The following TAMM41 variants were observed in gnomAD, a reference collection of about 807,000 sequenced individuals.
TAMM41 encodes the protein phosphatidate cytidylyltransferase, mitochondrial.
TAMM41 carries 36 observed loss-of-function variants against 44.1 expected under a neutral mutation model. The ratio of observed to expected loss-of-function variants is 0.82; its 90% CI spans 0.63 to 1.08. TAMM41 has a LOEUF of 1.08. TAMM41 is among the 50% of genes least tolerant of loss of function. The pLI, the probability that TAMM41 is intolerant of heterozygous loss-of-function variation, is 0.00. For missense variants in TAMM41, 417 were observed against 404.3 expected (o/e 1.03, Z -0.27); for synonymous variants, 164 against 153.1 (o/e 1.07, Z -0.53).
the TAMM41 span, among the ~76,000 whole-genome samples, chr3:11,778,767 G>A: frequency 6.6e-6 from 1 of 152,064 alleles, no homozygotes; most frequent in South Asian, 2.1e-4. Flanking sequence ...GCACCTTCTC[G>A]TGTTTATTGG....
intron 3 of TAMM41, among the ~76,000 whole-genome samples, chr3:11,836,666 G>A (rs1439624541): frequency 6.6e-6 from 1 of 151,974 alleles, no homozygotes; most frequent in Non-Finnish European, 1.5e-5. Context: ...GTTTCACTAT[G>A]ATGGCCAGGC....
At chr3:11,841,828 G>A (rs2079459509) in intron 2 of TAMM41, among the ~76,000 whole-genome samples, 1 of 152,156 alleles carries the variant, frequency 6.6e-6, no homozygotes, top group African/African-American at 2.4e-5. Flanking sequence ...GGAAGTCAGG[G>A]GACCTGTTGC....
the TAMM41 span, among the ~76,000 whole-genome samples, chr3:11,722,323 C>A: frequency 3.3e-5 from 5 of 152,038 alleles, no homozygotes; most frequent in Non-Finnish European, 7.3e-5. Context: ...TCGTTTTAGT[C>A]TGGCTCTTTT....
intron 1 of TAMM41, among the ~76,000 whole-genome samples, chr3:11,845,362 GA>G (rs1292489536): frequency 6.6e-6 from 1 of 152,124 alleles, no homozygotes; most frequent in African/African-American, 2.4e-5. Flanking sequence ...AAAAGTGAGG[GA>G]ATGGGAAGGA....
chr3:11,727,788 ATTT>A, the TAMM41 span, among the ~76,000 whole-genome samples: 1 of 128,526 alleles, frequency 7.8e-6, no homozygotes, highest in Non-Finnish European at 1.7e-5. Flanking sequence ...TTCTAATTTA[ATTT>A]TTTTTTTTTT....
chr3:11,761,460 C>G, the TAMM41 span, among the ~76,000 whole-genome samples: 1 of 152,044 alleles, frequency 6.6e-6, no homozygotes, highest in Non-Finnish European at 1.5e-5. Context: ...CCTGGGCTCT[C>G]CACTCATAGA....
the TAMM41 span, among the ~76,000 whole-genome samples, chr3:11,725,139 C>T: frequency 7.0e-5 from 10 of 141,900 alleles, no homozygotes; most frequent in Non-Finnish European, 1.2e-4. Flanking sequence ...CTTCTCCTCT[C>T]TCCTCTTCTC....
At chr3:11,832,287 A>C (rs988939655) in intron 3 of TAMM41, among the ~76,000 whole-genome samples, 22 of 152,096 alleles carry the variant, frequency 1.4e-4, no homozygotes, top group South Asian at 2.1e-4. Context: ...GAAAAACAAA[A>C]AAAAAAAATC....
At chr3:11,748,891 C>A in the TAMM41 span, among the ~76,000 whole-genome samples, 1 of 149,030 alleles carries the variant, frequency 6.7e-6, no homozygotes, top group Non-Finnish European at 1.5e-5. Context: ...TCATTTAACC[C>A]TCAACACCCT....
In TAMM41 at chr3:11,844,206, A is replaced by G; in HGVS notation, c.141T>C (p.Ala47=). 1 of 1,613,722 alleles carries G rather than the reference A, an allele frequency of 6.2e-7. No individual in the cohort carries two copies. The highest frequency in any genetic ancestry group is 1.1e-5 in the South Asian group (1 of 90,964). Residue 47 remains alanine, a synonymous_variant, in exon 2 of 8, where the codon GCT becomes GCC. Coordinates refer to ENST00000455809, the MANE Select transcript of TAMM41 (RefSeq NM_001284401.2). The stretch of plus-strand genomic sequence containing the variant: ...CTACTGTGAACACAAAGTCCAGCAT[A>G]GCATTCTGTGGAGTGAAGAAAAGAG... ...QAGPSSDQKN[A]MLDFVFTVDD...
At chr3:11,804,473 T>C (rs937849971) in intron 7 of TAMM41, among the ~76,000 whole-genome samples, 3 of 152,184 alleles carry the variant, frequency 2.0e-5, no homozygotes, top group Admixed American at 6.5e-5. Flanking sequence ...AGTATGCATC[T>C]CTAAAAGAAA....
At chr3:11,741,216 CA>C in the TAMM41 span, among the ~76,000 whole-genome samples, 873 of 61,778 alleles carry the variant, frequency 0.014, 23 homozygotes, top group African/African-American at 0.053. Context: ...GACACCGTCT[CA>C]AAAAAAAAAA....
At chr3:11,831,573 TTTTA>T (rs1274212257) in intron 3 of TAMM41, among the ~76,000 whole-genome samples, 1 of 152,212 alleles carries the variant, frequency 6.6e-6, no homozygotes, top group African/African-American at 2.4e-5. Context: ...ATAAGTTGCC[TTTTA>T]TTTGTCAAAT....
chr3:11,788,092 A>G (rs2077427515), downstream of TAMM41, among the ~76,000 whole-genome samples: 1 of 152,186 alleles, frequency 6.6e-6, no homozygotes, highest in African/African-American at 2.4e-5. Flanking sequence ...TGTTACTCAC[A>G]TATGTTGGGA....
chr3:11,836,743 C>T (rs763830224), intron 3 of TAMM41, among the ~76,000 whole-genome samples: 9 of 152,142 alleles, frequency 5.9e-5, no homozygotes, highest in African/African-American at 1.4e-4. Flanking sequence ...AGATTACAGG[C>T]GTGAGCCACA....
intron 6 of TAMM41, 113 bp from the exon 7 acceptor site, chr3:11,808,008 C>T (rs1270686134): frequency 2.1e-6 from 3 of 1,436,732 alleles, no homozygotes; most frequent in Admixed American, 5.6e-5. Flanking sequence ...AATCAAACCA[C>T]CAAATCTATC....
the TAMM41 span, among the ~76,000 whole-genome samples, chr3:11,744,912 G>A: frequency 1.4e-4 from 21 of 150,766 alleles, no homozygotes; most frequent in African/African-American, 4.9e-4. Flanking sequence ...TGCCCAGGCT[G>A]GAGTATAGTG....
At chr3:11,822,580 A>G (rs2078566468) in intron 4 of TAMM41, among the ~76,000 whole-genome samples, 1 of 152,200 alleles carries the variant, frequency 6.6e-6, no homozygotes, top group Non-Finnish European at 1.5e-5. Flanking sequence ...TCCAGGTTGG[A>G]TCTAATCTAC....
In TAMM41 at chr3:11,839,300, T is replaced by A; in HGVS notation, c.333A>T (p.Gly111=). 1 of 1,610,462 alleles carries A rather than the reference T, an allele frequency of 6.2e-7. No individual in the cohort carries two copies. Among genetic ancestry groups the A allele is most frequent in the Non-Finnish European group, 8.5e-7 (1 of 1,177,334 alleles). Residue 111 remains glycine (G), a synonymous_variant, in exon 3 of 8, where the codon GGA becomes GGT. Coordinates refer to ENST00000455809, the MANE Select transcript of TAMM41 (RefSeq NM_001284401.2). The part of the protein sequence containing the change: ...IMCNGRLIKY[G]VISTNVLIED... ...CAATCAGAACGTTAGTGCTAATAAC[T>A]CCATATTTGATAAGCTGAAGGAAAA...
Sources: gnomAD v4.1 joint callset for allele counts (sites outside exome capture counted in the v4.1 genomes callset) on GRCh38, gnomAD v4.1.1 for gene constraint, MANE v1.5 for transcripts, NCBI Gene and HGNC (gene_info 2026-07-23, HGNC 2026-07-21) for gene names.